RBFOX1: variants seen among roughly 807,000 people sequenced by gnomAD.
RBFOX1 encodes RNA binding fox-1 homolog 1.
In RBFOX1, 8 loss-of-function variants were observed where a neutral mutation model predicts 57.7. The observed-to-expected ratio is 0.14, with a 90% confidence interval of 0.08 to 0.25. RBFOX1 has a LOEUF of 0.25. Ranked by LOEUF, RBFOX1 falls within the 10% of genes least tolerant of loss-of-function variation. The probability of loss-of-function intolerance (pLI) is 1.00; values close to 1 mark genes in which losing one functional copy is unlikely to be tolerated. For missense variants in RBFOX1, 611 were observed against 548.5 expected, an observed-to-expected ratio of 1.11 and a Z score of -1.14; for synonymous variants, 326 against 222.4, an observed-to-expected ratio of 1.47 and a Z score of -4.15.
intron 3 of RBFOX1, among the ~76,000 whole-genome samples, chr16:5,819,106 C>T (rs2055753401): frequency 2.0e-5 from 3 of 152,128 alleles, no homozygotes; most frequent in Admixed American, 2.0e-4. Flanking sequence ...AACAAAACAC[C>T]ACAGACTGGG....
chr16:6,954,151 C>T (rs1246778535), intron 3 of RBFOX1, among the ~76,000 whole-genome samples: 1 of 152,072 alleles, frequency 6.6e-6, no homozygotes, highest in African/African-American at 2.4e-5. Flanking sequence ...CAGGTTAGAT[C>T]TAGTGGTTTT....
chr16:5,710,290 C>T (rs900004327), intron 3 of RBFOX1, among the ~76,000 whole-genome samples: 1 of 152,102 alleles, frequency 6.6e-6, no homozygotes, highest in African/African-American at 2.4e-5. Context: ...AGGGCTAGAG[C>T]GAGGCTTGGC....
chr16:7,619,949 C>G (rs1387672688), intron 10 of RBFOX1, among the ~76,000 whole-genome samples: 1 of 152,166 alleles, frequency 6.6e-6, no homozygotes, highest in Non-Finnish European at 1.5e-5. Flanking sequence ...TATGGTCTGT[C>G]CCCTGACTTC....
intron 3 of RBFOX1, among the ~76,000 whole-genome samples, chr16:6,791,861 A>T (rs558461977): frequency 2.0e-4 from 31 of 152,288 alleles, no homozygotes; most frequent in Admixed American, 5.2e-4. Context: ...ACTTTTATAT[A>T]TTAAGTAACT....
intron 2 of RBFOX1, among the ~76,000 whole-genome samples, chr16:6,376,927 A>G (rs2091247416): frequency 6.6e-6 from 1 of 151,878 alleles, no homozygotes; most frequent in Non-Finnish European, 1.5e-5. Flanking sequence ...GGTATCACAT[A>G]GCCTTCCCTG....
intron 2 of RBFOX1, among the ~76,000 whole-genome samples, chr16:6,550,066 C>T (rs557917948): frequency 6.6e-6 from 1 of 152,302 alleles, no homozygotes; most frequent in East Asian, 1.9e-4. Flanking sequence ...ATGACTGAAT[C>T]TAAAATGCTG....
intron 4 of RBFOX1, among the ~76,000 whole-genome samples, chr16:7,221,900 C>T (rs558600619): frequency 2.0e-5 from 3 of 152,314 alleles, no homozygotes; most frequent in African/African-American, 7.2e-5. Flanking sequence ...GACATCTCTT[C>T]ATGTCCAACC....
intron 2 of RBFOX1, among the ~76,000 whole-genome samples, chr16:6,629,615 G>A (rs1012326116): frequency 6.6e-6 from 1 of 152,120 alleles, no homozygotes; most frequent in Non-Finnish European, 1.5e-5. Flanking sequence ...AAGATTCTTA[G>A]AGTATTGGGA....
At chr16:5,851,734 CT>C (rs1449967508) in intron 3 of RBFOX1, among the ~76,000 whole-genome samples, 1 of 152,188 alleles carries the variant, frequency 6.6e-6, no homozygotes, top group African/African-American at 2.4e-5. Flanking sequence ...ATACTGTGTC[CT>C]TTTAAAAAGA....
intron 2 of RBFOX1, among the ~76,000 whole-genome samples, chr16:5,577,380 T>C (rs1336866471): frequency 2.0e-5 from 3 of 152,156 alleles, no homozygotes; most frequent in Non-Finnish European, 4.4e-5. Context: ...TCTCACCTCC[T>C]CACCTCAACA....
intron 2 of RBFOX1, among the ~76,000 whole-genome samples, chr16:5,596,300 C>T (rs778359142): frequency 2.0e-5 from 3 of 152,160 alleles, no homozygotes; most frequent in Non-Finnish European, 4.4e-5. Context: ...TCTTTTCTTC[C>T]AATCAGCTTC....
At chr16:7,503,047 A>C (rs1438101123) in intron 4 of RBFOX1, among the ~76,000 whole-genome samples, 2 of 151,974 alleles carry the variant, frequency 1.3e-5, no homozygotes, top group Non-Finnish European at 2.9e-5. Flanking sequence ...AATTATTCTA[A>C]ATTTATCCAT....
intron 3 of RBFOX1, among the ~76,000 whole-genome samples, chr16:5,844,800 T>G (rs1421003053): frequency 5.9e-5 from 9 of 152,186 alleles, no homozygotes; most frequent in Non-Finnish European, 2.9e-5. Context: ...ACTATCATTG[T>G]CAGGAGCCAA....
intron 3 of RBFOX1, among the ~76,000 whole-genome samples, chr16:6,884,832 A>T (rs562684976): frequency 6.6e-6 from 1 of 152,290 alleles, no homozygotes; most frequent in South Asian, 2.1e-4. Context: ...CAGGAGGTGG[A>T]GGTGGCAGTC....
At chr16:5,578,730 A>G (rs1216276579) in intron 2 of RBFOX1, among the ~76,000 whole-genome samples, 1 of 152,008 alleles carries the variant, frequency 6.6e-6, no homozygotes, top group Admixed American at 6.6e-5. Flanking sequence ...GTAATGAACC[A>G]TGGAGGGAAT....
intron 4 of RBFOX1, among the ~76,000 whole-genome samples, chr16:7,411,807 G>C (rs1330465484): frequency 1.3e-5 from 2 of 151,666 alleles, no homozygotes; most frequent in African/African-American, 4.8e-5. Context: ...GGAGGCTGAG[G>C]CAGGAGAATC....
rs748804086 is a variant in RBFOX1, at chr16:7,518,339, G to A, written c.220G>A (p.Glu74Lys). 3 of 1,613,704 alleles carry A rather than the reference G, an allele frequency of 1.9e-6. No individual in the cohort carries two copies. Among genetic ancestry groups the A allele is most frequent in the African/African-American group, 1.3e-5 (1 of 75,044 alleles). Reference sequence around the variant, plus strand: ...GTACCCTCCCGCCCAGACGCACTCCGAGCAGAGCCCGGCGGACACGAGCGC... The same window carrying A: ...GTACCCTCCCGCCCAGACGCACTCCAAGCAGAGCCCGGCGGACACGAGCGC... The part of the protein sequence containing the change: ...NLYPPAQTHS[E>K]QSPADTSAQT... Residue 74 changes from glutamate (E) to lysine (K), a missense_variant, in exon 5 of 16, where the codon GAG becomes AAG. Physicochemically the swap from Glu to Lys is moderately conservative, Grantham distance 56 (BLOSUM62 1). This residue lies in a region of RBFOX1 where 245 missense variants were observed against 159.1 expected (regional missense o/e 1.54). Coordinates refer to ENST00000550418, the MANE Select transcript of RBFOX1 (RefSeq NM_018723.4).
At chr16:7,336,651 A>G (rs2096794004) in intron 4 of RBFOX1, among the ~76,000 whole-genome samples, 2 of 152,254 alleles carry the variant, frequency 1.3e-5, no homozygotes. Context: ...ATGATAGGTA[A>G]TGATTGTTGA....
chr16:6,879,887 C>T (rs1218914644), intron 3 of RBFOX1, among the ~76,000 whole-genome samples: 1 of 152,186 alleles, frequency 6.6e-6, no homozygotes, highest in East Asian at 1.9e-4. Context: ...TCTTGCCTCA[C>T]AGTTAAATCT....
Sources: gnomAD v4.1 joint callset for allele counts (sites outside exome capture counted in the v4.1 genomes callset) on GRCh38, gnomAD v4.1.1 for gene constraint, gnomAD v4.1.1 regional missense constraint, MANE v1.5 for transcripts, NCBI Gene and HGNC (gene_info 2026-07-23, HGNC 2026-07-21) for gene names.